Variants in MTCH1 observed in about 807,000 individuals in gnomAD.
The protein encoded by MTCH1 is mitochondrial carrier homolog 1.
A neutral mutation model predicts 49.3 loss-of-function variants in MTCH1; 23 were observed. That is an observed-to-expected ratio of 0.47 (90% CI 0.34 to 0.66). The LOEUF (loss-of-function observed/expected upper bound fraction) is 0.66. Among genes scored for constraint, MTCH1 ranks in the 30% least tolerant of loss-of-function variants. MTCH1 has a pLI of 0.01. For missense variants in MTCH1, 397 were observed against 532.1 expected (o/e 0.75, Z 2.50); for synonymous variants, 229 against 215.2 (o/e 1.06, Z -0.56).
chr6:36,977,115 G>T lies in MTCH1; in HGVS notation c.701+84C>A. On this transcript the variant is annotated intron_variant, in intron 6 of 11. Coordinates refer to ENST00000373627, the MANE Select transcript of MTCH1 (RefSeq NM_001271641.2). The surrounding 1 kb of genome is among the most constrained non-coding windows in gnomAD (Gnocchi z 5.4). ...CACACAGCACTAGGGCAGAAAAGGT[G>T]CAGCAACCAATCCCAGCACGGCCTG... is the stretch of plus-strand genomic sequence containing the variant. 1 of 1,440,760 alleles carries T rather than the reference G, an allele frequency of 6.9e-7. No individual in the cohort carries two copies. The highest frequency in any genetic ancestry group is 9.7e-7 in the Non-Finnish European group (1 of 1,027,022). The allele number at this position is 1,440,760 out of a possible 1,614,324, so 89.2% of individuals were successfully genotyped here. A position where few individuals can be genotyped will look rare whatever the true frequency, so the allele number is the denominator to read the frequency against.
intron 8 of MTCH1, among the ~76,000 whole-genome samples, chr6:36,971,287 C>T (rs1475013915): frequency 6.6e-6 from 1 of 152,204 alleles, no homozygotes; most frequent in Non-Finnish European, 1.5e-5. Context: ...GTGGCTTTGA[C>T]AGCCCGGCAG....
In MTCH1 at chr6:36,968,702, G is replaced by A; in HGVS notation, c.*201C>T. ...GCCTCACCTTCCCTAGGTCTGCCGG[G>A]TGACCCAATCCACTGGGTGCAGCCC... is the stretch of plus-strand genomic sequence containing the variant. On this transcript the variant is annotated 3_prime_UTR_variant, in exon 12 of 12. Coordinates refer to ENST00000373627, the MANE Select transcript of MTCH1 (RefSeq NM_001271641.2). 1.2e-6 allele frequency: 1 copy of A among 813,696 alleles called. No homozygotes were observed. Among genetic ancestry groups the A allele is most frequent in the Non-Finnish European group, 2.0e-6 (1 of 488,182 alleles). The allele number at this position is 813,696 out of a possible 1,614,324, so 50.4% of individuals were successfully genotyped here.
In MTCH1 at chr6:36,978,142, T is replaced by C; in HGVS notation, c.527A>G (p.Asp176Gly). 6.2e-7 allele frequency: 1 copy of C among 1,613,230 alleles called. No individual in the cohort carries two copies. The highest frequency in any genetic ancestry group is 8.5e-7 in the Non-Finnish European group (1 of 1,179,224). ...CTTGTTGGAAACCTGCTCAATCTCA[T>C]CTGGAGGGAAAACCTGAAACAGAGA... The part of the protein sequence containing the change: ...RGSMKKVFPP[D>G]EIEQVSNKDD... Residue 176 changes from aspartate (D) to glycine (G), a missense_variant, in exon 4 of 12, where the codon GAT becomes GGT. Asp to Gly is a moderately conservative substitution (Grantham distance 94). Around this residue, in one of 2 missense-constraint regions of MTCH1, gnomAD observed 252 missense variants for 388.3 expected, o/e 0.65. Coordinates refer to ENST00000373627, the MANE Select transcript of MTCH1 (RefSeq NM_001271641.2).
At chr6:36,978,353 A>G (rs938260968) in intron 3 of MTCH1, 152 bp downstream of exon 3, 2 of 869,738 alleles carry the variant, frequency 2.3e-6, no homozygotes, top group African/African-American at 3.4e-5. Context: ...GGGAAAGCAG[A>G]ACTGTGGGGT....
At position 36,974,525 on chromosome 6, in the gene MTCH1, G is replaced by A. The variant is rs151302521; in HGVS notation, c.761+1133C>T. Among the ~76,000 whole-genome samples the A allele has an allele frequency of 1.8e-3, 272 of 152,146 alleles. 1 individual carries two copies. Among genetic ancestry groups the A allele is most frequent in the African/African-American group, 5.9e-3 (244 of 41,504 alleles). On this transcript the variant is annotated intron_variant, in intron 7 of 11. Transcript: ENST00000373627. ...AACTGGGATCACAGATGCAAGCAACGACACCTGACTGAATAAGTCTTTGTT... is the reference window on the plus strand; with the variant it reads ...AACTGGGATCACAGATGCAAGCAACAACACCTGACTGAATAAGTCTTTGTT...
chr6:36,982,278 C>T lies in MTCH1; in HGVS notation c.322-606G>A, dbSNP rs1449378801. ...AACATATCCTTAGCTGCGTTCTCAC[C>T]TCAATCACCCTACATCCCTGTGACA... On this transcript the variant is annotated intron_variant, in intron 1 of 11. Coordinates refer to ENST00000373627, the MANE Select transcript of MTCH1 (RefSeq NM_001271641.2). This position sits in a 1 kb window ranked among gnomAD's most constrained non-coding sequence, Gnocchi z 4.1. 6.6e-6 allele frequency among the ~76,000 whole-genome samples: 1 copy of T among 152,176 alleles called. No individual in the cohort carries two copies. Among genetic ancestry groups the T allele is most frequent in the Non-Finnish European group, 1.5e-5 (1 of 68,038 alleles).
At position 36,977,936 on chromosome 6, in the gene MTCH1, C is replaced by T; in HGVS notation, c.591+142G>A. ...TCCGGGGTTCCCGGCACATCCAGGC[C>T]AGGGCTTCTTCCCTTACCATCCCAC... On this transcript the variant is annotated intron_variant, in intron 4 of 11. Transcript: ENST00000373627. This position sits in a 1 kb window ranked among gnomAD's most constrained non-coding sequence, Gnocchi z 5.4. 1 of 860,402 alleles carries T rather than the reference C, an allele frequency of 1.2e-6. No individual in the cohort carries two copies. 53.3% of individuals were successfully genotyped at this position (860,402 alleles called of 1,614,324 possible).
At chr6:36,984,918 A>G (rs1344987213) in intron 1 of MTCH1, among the ~76,000 whole-genome samples, 1 of 151,992 alleles carries the variant, frequency 6.6e-6, no homozygotes, top group Non-Finnish European at 1.5e-5. Flanking sequence ...TCATCTGCCC[A>G]GATACAAGCA....
intron 8 of MTCH1, chr6:36,971,036 A>G: frequency 2.7e-6 from 1 of 372,386 alleles, no homozygotes; most frequent in Non-Finnish European, 5.1e-6. Context: ...TGCACCCTGA[A>G]ACCCAAAGAC....
chr6:36,978,875 CTTTTTTTTTTTTT>C lies in MTCH1; in HGVS notation c.407-277_407-265del, dbSNP rs11322816. On this transcript the variant is annotated intron_variant, in intron 2 of 11. Transcript: ENST00000373627. ...TCTTCCTTCCTTCCCTCCCTCCCTC[CTTTTTTTTTTTTT>C]TTTTTTTTTTGCTTTAAAAACTTTA... Among the ~76,000 whole-genome samples, 51 of 100,424 alleles carry C rather than the reference CTTTTTTTTTTTTT, an allele frequency of 5.1e-4. 1 individual carries two copies. Among genetic ancestry groups the C allele is most frequent in the Admixed American group, 3.3e-3 (28 of 8,404 alleles). The allele number at this position is 100,424 out of a possible 152,430, so 65.9% of individuals were successfully genotyped here. A position where few individuals can be genotyped will look rare whatever the true frequency, so the allele number is the denominator to read the frequency against.
At chr6:36,975,772 C>T in intron 6 of MTCH1, 55 bp from the exon 7 acceptor site, 1 of 1,559,510 alleles carries the variant, frequency 6.4e-7, no homozygotes, top group Middle Eastern at 1.7e-4. Flanking sequence ...ACCAGAAGCC[C>T]ACCCGTTGGT....
chr6:36,976,380 A>T, intron 6 of MTCH1: 1 of 365,858 alleles, frequency 2.7e-6, no homozygotes. Flanking sequence ...AGAGGGAGCC[A>T]GTGGAAGGCA....
chr6:36,969,006 A>G (rs771072313), intron 11 of MTCH1, 32 bp from the exon 12 acceptor site: 1 of 1,611,758 alleles, frequency 6.2e-7, no homozygotes, highest in South Asian at 1.1e-5. Flanking sequence ...GGTGAGTGAA[A>G]GGGAGGCCAC....
chr6:36,981,725 C>CTGAA, intron 1 of MTCH1, 53 bp from the exon 2 acceptor site: 2 of 1,446,430 alleles, frequency 1.4e-6, no homozygotes, highest in Non-Finnish European at 1.9e-6. Flanking sequence ...GTGATTCAGC[C>CTGAA]TCACCACCTC....
intron 6 of MTCH1, among the ~76,000 whole-genome samples, chr6:36,976,116 A>G (rs980649972): frequency 6.6e-6 from 1 of 152,084 alleles, no homozygotes; most frequent in African/African-American, 2.4e-5. Context: ...GGCCCGCCCA[A>G]GAGTAAGAGT....
At chr6:36,981,969 G>A (rs1764112677) in intron 1 of MTCH1, among the ~76,000 whole-genome samples, 1 of 152,256 alleles carries the variant, frequency 6.6e-6, no homozygotes. Flanking sequence ...ATTCCCAGTA[G>A]AGAAACCTCC....
chr6:36,986,305 A>C (rs1764319554), upstream of MTCH1: 3 of 845,680 alleles, frequency 3.5e-6, no homozygotes, highest in East Asian at 3.6e-5. Flanking sequence ...CGGGTGGGAC[A>C]CGCCGGATGT....
rs977375162 is a variant in MTCH1 at position 36,986,098 on chromosome 6, C to G, written c.76G>C (p.Ala26Pro). Residue 26 changes from alanine (A) to proline (P), a missense_variant, in exon 1 of 12, where the codon GCC (alanine) becomes CCC (proline). By Grantham distance (27) the Ala-to-Pro change is conservative (BLOSUM62 -1). Coordinates refer to ENST00000373627, the MANE Select transcript of MTCH1 (RefSeq NM_001271641.2). Reference sequence around the variant, plus strand: ...GCCGCCGCTCCGCCGCGAGCTCCGGCTCCAGCTCCGGCTCCCGCCATCCCC... The same window carrying G: ...GCCGCCGCTCCGCCGCGAGCTCCGGGTCCAGCTCCGGCTCCCGCCATCCCC... ...AAGMAGAGAG[A>P]GARGGAAAGV... is the part of the protein sequence containing the mutation. 2 of 1,437,848 alleles carry G rather than the reference C, an allele frequency of 1.4e-6. No individual in the cohort carries two copies. The highest frequency in any genetic ancestry group is 1.5e-5 in the African/African-American group (1 of 66,540). 89.1% of individuals were successfully genotyped at this position (1,437,848 alleles called of 1,614,324 possible).
In MTCH1 at chr6:36,978,175, G is replaced by C. The variant is rs1193015727; in HGVS notation, c.514-20C>G. The C allele has an allele frequency of 1.3e-6, 2 of 1,595,494 alleles. No homozygotes were observed. Among genetic ancestry groups the C allele is most frequent in the Non-Finnish European group, 1.7e-6 (2 of 1,163,310 alleles). On this transcript the variant is annotated intron_variant, in intron 3 of 11. Coordinates refer to ENST00000373627, the MANE Select transcript of MTCH1 (RefSeq NM_001271641.2). Reference sequence around the variant, plus strand: ...GAAAACCTGAAACAGAGAAGGGAAAGAACCAAGTTCAGCTACGCCTCTTCC... The same window carrying C: ...GAAAACCTGAAACAGAGAAGGGAAACAACCAAGTTCAGCTACGCCTCTTCC...
Sources: gnomAD v4.1 joint callset for allele counts (sites outside exome capture counted in the v4.1 genomes callset) on GRCh38, gnomAD v4.1.1 for gene constraint, gnomAD v4.1.1 regional missense constraint, Gnocchi (gnomAD v3.1) non-coding constraint, MANE v1.5 for transcripts, NCBI Gene and HGNC (gene_info 2026-07-23, HGNC 2026-07-21) for gene names.